Variants in CDKAL1 observed in about 807,000 individuals in gnomAD.
CDKAL1 encodes threonylcarbamoyladenosine tRNA methylthiotransferase.
CDKAL1 carries 32 observed loss-of-function variants against 68.2 expected under a neutral mutation model. The ratio of observed to expected loss-of-function variants is 0.47; its 90% CI spans 0.35 to 0.63. The LOEUF is 0.63. CDKAL1 is among the 30% of genes least tolerant of loss of function. CDKAL1 has a pLI of 0.00. For missense variants in CDKAL1, 606 were observed against 696.7 expected (o/e 0.87, Z 1.47); for synonymous variants, 234 against 244.3 (o/e 0.96, Z 0.39).
intron 11 of CDKAL1, among the ~76,000 whole-genome samples, chr6:21,013,107 A>G (rs914891758): frequency 2.6e-5 from 4 of 152,136 alleles, no homozygotes; most frequent in Admixed American, 2.0e-4. Context: ...ATCTCTGCCA[A>G]GAAACTCAGC....
intron 5 of CDKAL1, among the ~76,000 whole-genome samples, chr6:20,652,137 G>GT (rs759071607): frequency 2.0e-5 from 3 of 151,966 alleles, no homozygotes; most frequent in Admixed American, 6.6e-5. Context: ...TTTTTGAAGG[G>GT]TTTTTTGTGT....
At chr6:20,898,994 A>T (rs565656016) in intron 9 of CDKAL1, among the ~76,000 whole-genome samples, 1 of 151,412 alleles carries the variant, frequency 6.6e-6, no homozygotes, top group Admixed American at 6.6e-5. Flanking sequence ...TGCTCATGTT[A>T]TATGACTAAC....
chr6:20,636,224 C>G (rs1019681956), intron 4 of CDKAL1, among the ~76,000 whole-genome samples: 2 of 152,100 alleles, frequency 1.3e-5, no homozygotes, highest in African/African-American at 2.4e-5. Flanking sequence ...TTAAAATACT[C>G]ACTATGTCGA....
chr6:20,622,935 C>T (rs960477478), intron 4 of CDKAL1, among the ~76,000 whole-genome samples: 6 of 151,866 alleles, frequency 4.0e-5, no homozygotes, highest in African/African-American at 1.5e-4. Context: ...ATTTTTTCCC[C>T]CTAATTGTCT....
At chr6:20,644,946 A>G (rs1011380940) in intron 4 of CDKAL1, among the ~76,000 whole-genome samples, 2 of 152,252 alleles carry the variant, frequency 1.3e-5, no homozygotes, top group Non-Finnish European at 2.9e-5. Flanking sequence ...TGTACAGCCT[A>G]TGACATATCT....
At chr6:20,888,122 C>G (rs890061459) in intron 9 of CDKAL1, among the ~76,000 whole-genome samples, 1 of 151,806 alleles carries the variant, frequency 6.6e-6, no homozygotes. Context: ...CTGTCCCTCC[C>G]GCATTCCCGC....
At chr6:20,955,254 A>G (rs1377561430) in intron 9 of CDKAL1, among the ~76,000 whole-genome samples, 165 bp from the exon 10 acceptor site, 3 of 152,220 alleles carry the variant, frequency 2.0e-5, no homozygotes, top group Non-Finnish European at 4.4e-5. Flanking sequence ...AATGAACTTA[A>G]TAACCCACTG....
chr6:20,899,747 G>A (rs1761872421), intron 9 of CDKAL1, among the ~76,000 whole-genome samples: 1 of 152,152 alleles, frequency 6.6e-6, no homozygotes. Context: ...GGAGACTGAG[G>A]CAGGAGAATC....
chr6:21,199,793 T>A (rs1778616602), intron 14 of CDKAL1, among the ~76,000 whole-genome samples: 1 of 152,242 alleles, frequency 6.6e-6, no homozygotes, highest in Non-Finnish European at 1.5e-5. Context: ...ATGGGCTTTT[T>A]ATATCCTAAC....
intron 9 of CDKAL1, among the ~76,000 whole-genome samples, chr6:20,847,391 C>A (rs1052172137): frequency 6.6e-6 from 1 of 152,100 alleles, no homozygotes; most frequent in East Asian, 1.9e-4. Context: ...TTGAAAAAGT[C>A]TTTGCTGGCA....
At chr6:20,855,170 A>C (rs1180408533) in intron 9 of CDKAL1, among the ~76,000 whole-genome samples, 1 of 152,124 alleles carries the variant, frequency 6.6e-6, no homozygotes, top group Non-Finnish European at 1.5e-5. Flanking sequence ...TGCTGGGCGC[A>C]GTGGCTCATG....
chr6:20,660,629 G>C (rs1198736307), intron 5 of CDKAL1, among the ~76,000 whole-genome samples: 1 of 152,180 alleles, frequency 6.6e-6, no homozygotes, highest in African/African-American at 2.4e-5. Flanking sequence ...CAGGGCTGTG[G>C]CCATTAGATT....
intron 10 of CDKAL1, among the ~76,000 whole-genome samples, chr6:20,958,623 A>G (rs80351226): frequency 0.018 from 2,788 of 152,338 alleles, 85 homozygotes; most frequent in African/African-American, 0.063. Flanking sequence ...AAACAGAAAA[A>G]AATAACAGCA....
intron 12 of CDKAL1, among the ~76,000 whole-genome samples, chr6:21,079,129 C>T (rs1772244024): frequency 6.6e-6 from 1 of 152,126 alleles, no homozygotes; most frequent in Non-Finnish European, 1.5e-5. Context: ...GAATAAAATT[C>T]ATTCCCATTG....
chr6:20,916,218 C>T (rs1320664736), intron 9 of CDKAL1, among the ~76,000 whole-genome samples: 2 of 152,126 alleles, frequency 1.3e-5, no homozygotes, highest in African/African-American at 4.8e-5. Context: ...CCAAATAAGG[C>T]CTGTAGTTAA....
chr6:21,198,683 T>A (rs181725272), intron 14 of CDKAL1, among the ~76,000 whole-genome samples: 136 of 152,338 alleles, frequency 8.9e-4, no homozygotes, highest in African/African-American at 2.8e-3. Flanking sequence ...TGCAGACCAG[T>A]GTGAGGATCA....
intron 11 of CDKAL1, among the ~76,000 whole-genome samples, chr6:21,056,674 CTTAT>C (rs1411092461): frequency 1.3e-5 from 2 of 152,066 alleles, no homozygotes; most frequent in East Asian, 3.8e-4. Context: ...ATAAATGGCT[CTTAT>C]TATTTTCAGG....
intron 13 of CDKAL1, among the ~76,000 whole-genome samples, chr6:21,127,828 T>C (rs555813355): frequency 1.3e-5 from 2 of 152,288 alleles, no homozygotes; most frequent in African/African-American, 4.8e-5. Context: ...TTAAGCTTTT[T>C]TGCAAATGTT....
At chr6:20,646,048 ATTTTTTTT>A (rs1171622769) in intron 4 of CDKAL1, among the ~76,000 whole-genome samples, 1 of 87,364 alleles carries the variant, frequency 1.1e-5, no homozygotes, top group African/African-American at 4.6e-5. Flanking sequence ...TCACGGTTAA[ATTTTTTTT>A]TTTTTTTTTT....
Sources: gnomAD v4.1 joint callset for allele counts (sites outside exome capture counted in the v4.1 genomes callset) on GRCh38, gnomAD v4.1.1 for gene constraint, MANE v1.5 for transcripts, NCBI Gene and HGNC (gene_info 2026-07-23, HGNC 2026-07-21) for gene names.